Variants in DLG2 observed in about 807,000 individuals in gnomAD.
The protein encoded by DLG2 is disks large homolog 2.
Under a neutral mutation model 132.5 loss-of-function variants are expected in DLG2, and 45 were observed. That is an observed-to-expected ratio of 0.34 (90% CI 0.27 to 0.44). DLG2 has a LOEUF of 0.44. Among genes scored for constraint, DLG2 ranks in the 20% least tolerant of loss-of-function variants. DLG2 has a pLI of 1.00. For synonymous variants in DLG2, 424 were observed against 419.6 expected (o/e 1.01, Z -0.13); for missense variants, 1,045 against 1,196.9 (o/e 0.87, Z 1.87).
chr11:83,767,711 T>G (rs1264589328), intron 18 of DLG2, among the ~76,000 whole-genome samples: 1 of 152,202 alleles, frequency 6.6e-6, no homozygotes. Context: ...ATGGAATACA[T>G]AGAACCCTAT....
At chr11:83,779,740 G>C (rs759604976) in intron 18 of DLG2, among the ~76,000 whole-genome samples, 1 of 152,084 alleles carries the variant, frequency 6.6e-6, no homozygotes, top group African/African-American at 2.4e-5. Flanking sequence ...TATCTTTAAG[G>C]ATTCTTAAAA....
rs1284319609 is a variant in DLG2, at chr11:84,714,623, TTC to T, written c.358-179894_358-179893del. Among the ~76,000 whole-genome samples the T allele has an allele frequency of 7.6e-3, 800 of 104,914 alleles. 8 individuals are homozygous for T. The highest frequency in any genetic ancestry group is 0.031 in the Middle Eastern group (7 of 228). The allele number at this position is 104,914 out of a possible 152,430, so 68.8% of individuals were successfully genotyped here. A position where few individuals can be genotyped will look rare whatever the true frequency, so the allele number is the denominator to read the frequency against. ...TTTCTCTTTCTCTTTCTCTTTCTCT[TTC>T]TCTCTCTCTCTCTCTCTCTCTTTCT... is the stretch of plus-strand genomic sequence containing the variant. On this transcript the variant is annotated intron_variant, in intron 6 of 27. Coordinates refer to ENST00000376104, the MANE Select transcript of DLG2 (RefSeq NM_001142699.3).
chr11:84,206,613 A>C (rs2096668793), intron 8 of DLG2, among the ~76,000 whole-genome samples: 1 of 152,074 alleles, frequency 6.6e-6, no homozygotes, highest in Admixed American at 6.6e-5. Flanking sequence ...GTGTAACTCA[A>C]CATACTAATA....
intron 6 of DLG2, among the ~76,000 whole-genome samples, chr11:85,017,811 C>T (rs1173865985): frequency 1.3e-5 from 2 of 152,078 alleles, no homozygotes; most frequent in African/African-American, 4.8e-5. Context: ...CCCCAATTAC[C>T]CTTCCTTCTC....
intron 3 of DLG2, among the ~76,000 whole-genome samples, chr11:85,328,623 T>C (rs1291403015): frequency 7.7e-6 from 1 of 130,416 alleles, no homozygotes; most frequent in Non-Finnish European, 1.6e-5. Context: ...TGGGACGTAT[T>C]TCAAAATAAT....
chr11:84,534,939 A>T (rs1313470974), intron 6 of DLG2: 2 of 686,950 alleles, frequency 2.9e-6, no homozygotes, highest in Non-Finnish European at 5.3e-6. Context: ...AATATTGACC[A>T]ATGTCCAGAC....
chr11:84,706,030 A>G (rs535118397), intron 6 of DLG2, among the ~76,000 whole-genome samples: 2 of 151,922 alleles, frequency 1.3e-5, no homozygotes, highest in South Asian at 4.1e-4. Flanking sequence ...AAAGAAGTCC[A>G]TGACTCCATG....
At chr11:84,242,310 G>A (rs887919806) in intron 8 of DLG2, among the ~76,000 whole-genome samples, 4 of 152,144 alleles carry the variant, frequency 2.6e-5, no homozygotes, top group Middle Eastern at 3.4e-3. Flanking sequence ...AAGTGAATTA[G>A]TTTGTGAATG....
At chr11:85,472,297 TTTTTTG>T (rs939642400) in intron 3 of DLG2, among the ~76,000 whole-genome samples, 1 of 151,990 alleles carries the variant, frequency 6.6e-6, no homozygotes, top group East Asian at 1.9e-4. Flanking sequence ...CTGAGAACTG[TTTTTTG>T]TTTTTGTTTT....
chr11:84,118,822 T>G (rs546159997), intron 9 of DLG2, among the ~76,000 whole-genome samples: 1 of 152,196 alleles, frequency 6.6e-6, no homozygotes, highest in African/African-American at 2.4e-5. Flanking sequence ...AGTATCTTCC[T>G]ACACTGAAGT....
chr11:83,853,306 C>T (rs1326117759), intron 16 of DLG2, among the ~76,000 whole-genome samples: 1 of 152,118 alleles, frequency 6.6e-6, no homozygotes, highest in Non-Finnish European at 1.5e-5. Context: ...AACATTTGGT[C>T]TCCTCAGCTC....
At chr11:85,125,969 A>G (rs1181005622) in intron 5 of DLG2, among the ~76,000 whole-genome samples, 2 of 152,162 alleles carry the variant, frequency 1.3e-5, no homozygotes, top group Non-Finnish European at 2.9e-5. Flanking sequence ...TAAAAATCAG[A>G]GTGTACTCCA....
chr11:84,934,512 TTTGTTTTGTTTTG>T lies in DLG2; in HGVS notation c.357+177136_357+177148del, dbSNP rs758977036. Among the ~76,000 whole-genome samples, 88 of 69,998 alleles carry T rather than the reference TTTGTTTTGTTTTG, an allele frequency of 1.3e-3. 2 individuals carry two copies. The highest frequency in any genetic ancestry group is 3.2e-3 in the African/African-American group (44 of 13,568). The allele number at this position is 69,998 out of a possible 152,430, so 45.9% of individuals were successfully genotyped here. On this transcript the variant is annotated intron_variant, in intron 6 of 27. Transcript: ENST00000376104. Reference sequence around the variant, plus strand: ...TCTGTATGGTCCTGGGTGTTTTTTTTTTGTTTTGTTTTGTTTTTTTTTTTTTTTTTTTTTGGTG... The same window carrying T: ...TCTGTATGGTCCTGGGTGTTTTTTTTTTTTTTTTTTTTTTTTTTTTTGGTG...
At chr11:84,787,300 CA>C (rs2153931227) in intron 6 of DLG2, among the ~76,000 whole-genome samples, 1 of 152,238 alleles carries the variant, frequency 6.6e-6, no homozygotes, top group African/African-American at 2.4e-5. Context: ...TGGCGTGCTC[CA>C]GATTCCTATG....
intron 6 of DLG2, among the ~76,000 whole-genome samples, chr11:84,689,336 T>A (rs1428694048): frequency 6.6e-6 from 1 of 152,022 alleles, no homozygotes; most frequent in East Asian, 1.9e-4. Context: ...TCTATTTGGA[T>A]ACTTTGAATG....
intron 3 of DLG2, among the ~76,000 whole-genome samples, chr11:85,418,183 C>G (rs1003614629): frequency 1.3e-5 from 2 of 152,066 alleles, no homozygotes; most frequent in African/African-American, 4.8e-5. Context: ...TTTATTTCTG[C>G]CTTAATTTTG....
intron 6 of DLG2, among the ~76,000 whole-genome samples, chr11:84,990,038 G>T (rs543998529): frequency 2.0e-5 from 3 of 152,210 alleles, no homozygotes; most frequent in African/African-American, 7.2e-5. Context: ...AGAAAATTTT[G>T]CTCCTTGAAA....
intron 6 of DLG2, among the ~76,000 whole-genome samples, chr11:84,631,012 TCTCTCTCACA>T (rs1264283541): frequency 1.6e-4 from 21 of 129,542 alleles, no homozygotes; most frequent in South Asian, 2.7e-4. Flanking sequence ...TCTCTCTCTC[TCTCTCTCACA>T]CACACACACA....
chr11:84,825,276 G>T (rs548676569), intron 6 of DLG2, among the ~76,000 whole-genome samples: 18 of 151,824 alleles, frequency 1.2e-4, no homozygotes, highest in African/African-American at 3.9e-4. Context: ...TATTTGTATT[G>T]GTACAATGAG....
Sources: allele counts gnomAD v4.1 joint callset (sites outside exome capture counted in the v4.1 genomes callset), GRCh38; gene constraint gnomAD v4.1.1; transcripts MANE v1.5; gene names NCBI Gene and HGNC (gene_info 2026-07-23, HGNC 2026-07-21).